MARCHF1: variants seen among roughly 807,000 people sequenced by gnomAD.
The protein encoded by MARCHF1 is membrane associated ring-CH-type finger 1.
Under a neutral mutation model 54.2 loss-of-function variants are expected in MARCHF1, and 40 were observed. That is an observed-to-expected ratio of 0.74 (90% CI 0.57 to 0.96). MARCHF1 has a LOEUF of 0.96. MARCHF1 is among the 40% of genes least tolerant of loss of function. The pLI is 0.00. For synonymous variants in MARCHF1, 236 were observed against 236.3 expected (o/e 1.00, Z 0.01); for missense variants, 586 against 656.5 (o/e 0.89, Z 1.17).
intron 4 of MARCHF1, among the ~76,000 whole-genome samples, chr4:163,732,176 T>C (rs1360725273): frequency 2.0e-5 from 3 of 151,314 alleles, no homozygotes; most frequent in African/African-American, 7.3e-5. Flanking sequence ...TATAATTATA[T>C]TATTAATATA....
chr4:163,948,646 AGAG>A (rs1160177050), intron 3 of MARCHF1, among the ~76,000 whole-genome samples: 2 of 152,064 alleles, frequency 1.3e-5, no homozygotes, highest in Non-Finnish European at 2.9e-5. Context: ...TAAATACAGG[AGAG>A]GAGAGAAGCC....
chr4:164,048,761 C>T (rs1308084636), intron 2 of MARCHF1, among the ~76,000 whole-genome samples: 1 of 152,140 alleles, frequency 6.6e-6, no homozygotes, highest in East Asian at 1.9e-4. Context: ...CTATTCAAAA[C>T]TTCTCCCTTA....
chr4:163,973,536 C>G (rs1293138525), intron 3 of MARCHF1, among the ~76,000 whole-genome samples: 1 of 152,212 alleles, frequency 6.6e-6, no homozygotes, highest in Non-Finnish European at 1.5e-5. Flanking sequence ...TTGGCCAAAG[C>G]AAGTCACATA....
At chr4:163,897,322 C>A (rs1750832345) in intron 3 of MARCHF1, among the ~76,000 whole-genome samples, 2 of 152,148 alleles carry the variant, frequency 1.3e-5, no homozygotes, top group African/African-American at 2.4e-5. Context: ...CTAACATATT[C>A]TCACCCCTAT....
intron 4 of MARCHF1, among the ~76,000 whole-genome samples, chr4:163,835,777 A>G (rs2111113328): frequency 6.6e-6 from 1 of 152,362 alleles, no homozygotes; most frequent in South Asian, 2.1e-4. Flanking sequence ...TTTTGGCTAT[A>G]CATATATCAA....
intron 1 of MARCHF1, among the ~76,000 whole-genome samples, chr4:164,213,207 TTATTA>T (rs1560956662): frequency 6.3e-5 from 1 of 15,758 alleles, no homozygotes; most frequent in African/African-American, 8.0e-4. Context: ...TTTACTTTTA[TTATTA>T]TTATTATTAT....
At chr4:163,769,051 C>T (rs542325425) in intron 4 of MARCHF1, among the ~76,000 whole-genome samples, 13 of 152,196 alleles carry the variant, frequency 8.5e-5, no homozygotes, top group African/African-American at 2.9e-4. Context: ...TAGCAAAAGA[C>T]TATTGTAGAG....
intron 1 of MARCHF1, among the ~76,000 whole-genome samples, chr4:164,268,659 T>G (rs1733669747): frequency 6.6e-6 from 1 of 152,174 alleles, no homozygotes; most frequent in South Asian, 2.1e-4. Context: ...TAATTAATAT[T>G]AAACCTTTAT....
intron 5 of MARCHF1, among the ~76,000 whole-genome samples, chr4:163,616,663 G>T (rs1165499422): frequency 6.6e-6 from 1 of 151,944 alleles, no homozygotes; most frequent in Non-Finnish European, 1.5e-5. Flanking sequence ...AGGCTTCCTT[G>T]AGCCCAGGTG....
chr4:164,311,481 A>G (rs116451198), intron 1 of MARCHF1, among the ~76,000 whole-genome samples: 81 of 152,334 alleles, frequency 5.3e-4, no homozygotes, highest in African/African-American at 1.7e-3. Context: ...GAACAATTCT[A>G]TAAGAAACCT....
intron 4 of MARCHF1, among the ~76,000 whole-genome samples, chr4:163,723,413 C>T (rs915503806): frequency 3.3e-5 from 5 of 152,192 alleles, no homozygotes; most frequent in African/African-American, 4.8e-5. Flanking sequence ...TGGTGGGCTT[C>T]CCTGTGTGGG....
chr4:164,293,654 T>A (rs536061521), intron 1 of MARCHF1, among the ~76,000 whole-genome samples: 8 of 152,334 alleles, frequency 5.3e-5, no homozygotes, highest in African/African-American at 1.9e-4. Context: ...AAATTTAGAT[T>A]TTTTTCTGAT....
At position 163,612,681 on chromosome 4, in the gene MARCHF1, C is replaced by G; in HGVS notation, c.600G>C (p.Gly200=). The G allele has an allele frequency of 6.5e-7, 1 of 1,535,550 alleles. No individual in the cohort carries two copies. The highest frequency in any genetic ancestry group is 8.7e-7 in the Non-Finnish European group (1 of 1,146,534). ...GCTCAATTCCGTTAGGAGTGGAAGA[C>G]CCAGCTAAGTTTTCACACGGCTTAT... The part of the protein sequence containing the change: ...NNNKPCENLA[G]SSTPNGIELV... The change falls in exon 7 of 10, where the codon GGG becomes GGC. Residue 200 remains glycine, a synonymous_variant. Coordinates refer to ENST00000514618, the MANE Select transcript of MARCHF1 (RefSeq NM_001394959.1).
intron 1 of MARCHF1, among the ~76,000 whole-genome samples, chr4:164,125,551 A>G (rs1756161733): frequency 6.6e-6 from 1 of 152,168 alleles, no homozygotes; most frequent in Non-Finnish European, 1.5e-5. Flanking sequence ...TCCTGAAATG[A>G]TTATTATTTA....
intron 2 of MARCHF1, among the ~76,000 whole-genome samples, chr4:163,993,178 A>G (rs1007992865): frequency 9.2e-5 from 14 of 152,146 alleles, no homozygotes; most frequent in Non-Finnish European, 1.8e-4. Flanking sequence ...AAACAAGCTT[A>G]GTGGAAATAA....
chr4:164,187,672 A>C (rs576083680), intron 1 of MARCHF1, among the ~76,000 whole-genome samples: 10 of 152,326 alleles, frequency 6.6e-5, no homozygotes, highest in African/African-American at 2.4e-4. Context: ...GTTCTGCTTG[A>C]GCACTTGACA....
chr4:164,142,280 A>T (rs1285702095), intron 1 of MARCHF1, among the ~76,000 whole-genome samples: 4 of 152,146 alleles, frequency 2.6e-5, no homozygotes, highest in Admixed American at 6.5e-5. Flanking sequence ...TGCTTAGGTA[A>T]ACAAAGCAGC....
intron 2 of MARCHF1, among the ~76,000 whole-genome samples, chr4:164,103,408 AAACT>A (rs1483618615): frequency 7.8e-5 from 1 of 12,834 alleles, no homozygotes; most frequent in Admixed American, 8.9e-4. Flanking sequence ...AAATTATAAC[AAACT>A]GTCTCTCAGA....
intron 2 of MARCHF1, among the ~76,000 whole-genome samples, chr4:164,079,398 A>G (rs1755047248): frequency 6.6e-6 from 1 of 152,222 alleles, no homozygotes; most frequent in Non-Finnish European, 1.5e-5. Context: ...CTTTAACAAA[A>G]AGTAACAAAC....
Sources: allele counts gnomAD v4.1 joint callset (sites outside exome capture counted in the v4.1 genomes callset), GRCh38; gene constraint gnomAD v4.1.1; transcripts MANE v1.5; gene names NCBI Gene and HGNC (gene_info 2026-07-23, HGNC 2026-07-21).